XPR1: variants seen among roughly 807,000 people sequenced by gnomAD.
XPR1 encodes the protein solute carrier family 53 member 1.
Under a neutral mutation model 87.5 loss-of-function variants are expected in XPR1, and 28 were observed. That is an observed-to-expected ratio of 0.32 (90% CI 0.24 to 0.44). The LOEUF (loss-of-function observed/expected upper bound fraction) is 0.44. Among genes scored for constraint, XPR1 ranks in the 20% least tolerant of loss-of-function variants. The probability of loss-of-function intolerance (pLI) is 1.00; values close to 1 mark genes in which losing one functional copy is unlikely to be tolerated. For missense variants in XPR1, 559 were observed against 862.3 expected, an observed-to-expected ratio of 0.65 and a Z score of 4.41; for synonymous variants, 300 against 306.1, an observed-to-expected ratio of 0.98 and a Z score of 0.21.
In XPR1 at chr1:180,834,985, T is replaced by G. The variant is rs763147648; in HGVS notation, c.1246T>G (p.Phe416Val). Reference sequence around the variant, plus strand: ...GATGGACCTGGAATATATGATCTGCTTCTACAGTTTGGAGCTCAAATGGGA... The same window carrying G: ...GATGGACCTGGAATATATGATCTGCGTCTACAGTTTGGAGCTCAAATGGGA... ...ILMDLEYMIC[F>V]YSLELKWDES... is the part of the protein sequence containing the mutation. The change falls in exon 10 of 15, where the codon TTC becomes GTC. Residue 416 changes from phenylalanine (F) to valine (V), a missense_variant. Phe to Val is a conservative substitution (Grantham distance 50). Coordinates refer to ENST00000367590, the MANE Select transcript of XPR1 (RefSeq NM_004736.4). The G allele has an allele frequency of 6.2e-7, 1 of 1,614,152 alleles. No homozygotes were observed. Among genetic ancestry groups the G allele is most frequent in the East Asian group, 2.2e-5 (1 of 44,878 alleles).
At chr1:180,828,019 G>A (rs995463420) in intron 9 of XPR1, among the ~76,000 whole-genome samples, 5 of 151,964 alleles carry the variant, frequency 3.3e-5, no homozygotes, top group African/African-American at 1.2e-4. Context: ...TAGGACCACA[G>A]GTGTGTGCCA....
At position 180,753,569 on chromosome 1, in the gene XPR1, A is replaced by AT. The variant is rs755184589; in HGVS notation, c.122-34184_122-34183insT. ...ACCCTGTCTTTAAAAAAAAAAAAAAAGCAGTGCTGAAAATGTTAGAACTAT... is the reference window on the plus strand; with the variant it reads ...ACCCTGTCTTTAAAAAAAAAAAAAAATGCAGTGCTGAAAATGTTAGAACTAT... On this transcript the variant is annotated intron_variant, in intron 2 of 14. Transcript: ENST00000367590. Among the ~76,000 whole-genome samples, 10 of 151,856 alleles carry AT rather than the reference A, an allele frequency of 6.6e-5. No homozygotes were observed. The East Asian group carries it at 1.7e-3, about 26-fold the overall frequency.
At chr1:180,858,754 A>G (rs1652120811) in intron 11 of XPR1, among the ~76,000 whole-genome samples, 1 of 152,194 alleles carries the variant, frequency 6.6e-6, no homozygotes. Flanking sequence ...TTCCTTAACT[A>G]TAAAATGGGA....
intron 11 of XPR1, among the ~76,000 whole-genome samples, chr1:180,847,070 A>G (rs1040124648): frequency 6.6e-6 from 1 of 152,196 alleles, no homozygotes; most frequent in Non-Finnish European, 1.5e-5. Context: ...TTTTATCCTT[A>G]CCAGGAATCT....
chr1:180,720,824 AT>A (rs1424910358), intron 2 of XPR1, among the ~76,000 whole-genome samples: 1 of 152,182 alleles, frequency 6.6e-6, no homozygotes, highest in African/African-American at 2.4e-5. Flanking sequence ...AATTTTGTGT[AT>A]GCTTTCTATT....
At chr1:180,639,278 A>C (rs915410555) in intron 1 of XPR1, among the ~76,000 whole-genome samples, 27 of 151,628 alleles carry the variant, frequency 1.8e-4, no homozygotes, top group Admixed American at 5.2e-4. Context: ...ACAGAGTGAG[A>C]CACTGTCTGA....
At chr1:180,749,992 A>T (rs1192023928) in intron 2 of XPR1, among the ~76,000 whole-genome samples, 1 of 152,202 alleles carries the variant, frequency 6.6e-6, no homozygotes, top group Non-Finnish European at 1.5e-5. Flanking sequence ...CCAATACTTC[A>T]TTATATTTCA....
chr1:180,873,167 A>G (rs553745074), intron 12 of XPR1, among the ~76,000 whole-genome samples: 11 of 152,306 alleles, frequency 7.2e-5, no homozygotes, highest in East Asian at 3.9e-4. Context: ...TCTATTGGCA[A>G]TTTGTGTACT....
intron 2 of XPR1, among the ~76,000 whole-genome samples, chr1:180,751,927 A>G (rs1252281338): frequency 6.6e-6 from 1 of 152,152 alleles, no homozygotes; most frequent in Non-Finnish European, 1.5e-5. Context: ...GGAAGGAGAA[A>G]GGAAGAATTA....
At chr1:180,809,261 G>GTA (rs1650120066) in intron 6 of XPR1, among the ~76,000 whole-genome samples, 1 of 152,150 alleles carries the variant, frequency 6.6e-6, no homozygotes, top group African/African-American at 2.4e-5. Flanking sequence ...ATAGAGTGGG[G>GTA]TAGGGTAGGC....
intron 5 of XPR1, 60 bp downstream of exon 5, chr1:180,806,271 G>A: frequency 1.3e-6 from 2 of 1,581,650 alleles, no homozygotes; most frequent in Admixed American, 1.8e-5. Flanking sequence ...ATTTAGGGAA[G>A]CAATTCCTTA....
intron 2 of XPR1, among the ~76,000 whole-genome samples, chr1:180,780,781 A>AAG (rs1648907151): frequency 6.6e-6 from 1 of 151,766 alleles, no homozygotes; most frequent in East Asian, 1.9e-4. Flanking sequence ...AAAAAAAAAA[A>AAG]AGAGATGCAA....
intron 2 of XPR1, among the ~76,000 whole-genome samples, chr1:180,780,481 T>C (rs916873311): frequency 1.3e-5 from 2 of 152,226 alleles, no homozygotes; most frequent in African/African-American, 4.8e-5. Flanking sequence ...TTCAGATTCT[T>C]TGTCCATTTT....
chr1:180,715,497 A>G lies in XPR1; in HGVS notation c.121+33086A>G, dbSNP rs137863942. 1.8e-3 allele frequency among the ~76,000 whole-genome samples: 270 copies of G among 152,306 alleles called. 3 individuals carry two copies. Among genetic ancestry groups the G allele is most frequent in the African/African-American group, 6.3e-3 (260 of 41,554 alleles). On this transcript the variant is annotated intron_variant, in intron 2 of 14. Transcript: ENST00000367590. The stretch of plus-strand genomic sequence containing the variant: ...CAGTGTTACACAAATAATTGGTGAC[A>G]GTGTTGAAGATTGGATTTTCAGTTT...
At chr1:180,751,531 T>C (rs1418719770) in intron 2 of XPR1, among the ~76,000 whole-genome samples, 1 of 152,138 alleles carries the variant, frequency 6.6e-6, no homozygotes, top group Non-Finnish European at 1.5e-5. Flanking sequence ...TATCTACTAC[T>C]GTTTAAAAAC....
chr1:180,756,140 T>C (rs1048323046), intron 2 of XPR1, among the ~76,000 whole-genome samples: 1 of 152,200 alleles, frequency 6.6e-6, no homozygotes, highest in Non-Finnish European at 1.5e-5. Context: ...TTCTGTGATA[T>C]TCCTGCCAAA....
At chr1:180,668,362 C>T (rs1425387400) in intron 1 of XPR1, among the ~76,000 whole-genome samples, 2 of 152,138 alleles carry the variant, frequency 1.3e-5, no homozygotes, top group East Asian at 3.9e-4. Flanking sequence ...CTCCTGACCT[C>T]AAGTGATCTG....
In XPR1 at chr1:180,885,779, C is replaced by G. The variant is rs1213189496; in HGVS notation, c.*1713C>G. ...TTAGTCAAAACATTCGGTTACTGCC[C>G]TTTAATACACTCCTATCATCAGCAC... is the stretch of plus-strand genomic sequence containing the variant. On this transcript the variant is annotated 3_prime_UTR_variant, in exon 15 of 15. Transcript: ENST00000367590. 1 of 152,186 alleles carries G rather than the reference C, an allele frequency of 6.6e-6. No homozygotes were observed. Among genetic ancestry groups the G allele is most frequent in the African/African-American group, 2.4e-5 (1 of 41,450 alleles). 9.4% of individuals were successfully genotyped at this position (152,186 alleles called of 1,614,324 possible). A position where few individuals can be genotyped will look rare whatever the true frequency, so the allele number is the denominator to read the frequency against.
Position 180,810,819 on chromosome 1 carries a change from G to GTA in XPR1, c.682-580_682-579dup, listed in dbSNP as rs1333040824. On this transcript the variant is annotated intron_variant, in intron 6 of 14. Coordinates refer to ENST00000367590, the MANE Select transcript of XPR1 (RefSeq NM_004736.4). ...TATATGTATATATGTGTATATATAT[G>GTA]TATATATATGTGTGTATATATATAG... Among the ~76,000 whole-genome samples the GTA allele has an allele frequency of 1.6e-3, 248 of 151,118 alleles. 1 individual carries two copies. Among genetic ancestry groups the GTA allele is most frequent in the African/African-American group, 5.5e-3 (226 of 41,328 alleles).
Sources: allele counts gnomAD v4.1 joint callset (sites outside exome capture counted in the v4.1 genomes callset), GRCh38; gene constraint gnomAD v4.1.1; transcripts MANE v1.5; gene names NCBI Gene and HGNC (gene_info 2026-07-23, HGNC 2026-07-21).